The following HOOK1 variants were observed in gnomAD, a reference collection of about 807,000 sequenced individuals.
The protein encoded by HOOK1 is protein Hook homolog 1.
Under a neutral mutation model 112.8 loss-of-function variants are expected in HOOK1, and 60 were observed. That is an observed-to-expected ratio of 0.53 (90% CI 0.43 to 0.66). The LOEUF (loss-of-function observed/expected upper bound fraction) is 0.66, where lower values mean the gene tolerates loss of function less well. Ranked by LOEUF, HOOK1 falls within the 30% of genes least tolerant of loss-of-function variation. The probability of loss-of-function intolerance (pLI) is 0.00; values close to 1 mark genes in which losing one functional copy is unlikely to be tolerated. For synonymous variants in HOOK1, 294 were observed against 283.8 expected (o/e 1.04, Z -0.36); for missense variants, 770 against 856.0 (o/e 0.90, Z 1.25).
chr1:59,862,283 A>T (rs939846204), intron 15 of HOOK1, among the ~76,000 whole-genome samples: 3 of 152,202 alleles, frequency 2.0e-5, no homozygotes, highest in Non-Finnish European at 1.5e-5. Flanking sequence ...TCTTAAGCAC[A>T]GTTTTAAAGA....
Position 59,832,180 on chromosome 1 carries a change from G to A in HOOK1, c.240G>A (p.Lys80=), listed in dbSNP as rs1467952030. Residue 80 remains lysine (K), a synonymous_variant, in exon 4 of 22, where the codon AAG becomes AAA. Transcript: ENST00000371208. ...CACATTAGGCCAGTAATGTAAAGAA[G>A]GTCCTTCAAGGAATTATGAGTTATT... ...NWRIKASNVK[K]VLQGIMSYYH... is the part of the protein sequence containing the mutation. 5 of 1,553,350 alleles carry A rather than the reference G, an allele frequency of 3.2e-6. No individual in the cohort carries two copies. The highest frequency in any genetic ancestry group is 4.4e-6 in the Non-Finnish European group (5 of 1,142,018).
At chr1:59,869,143 T>C (rs976737913) in intron 20 of HOOK1, among the ~76,000 whole-genome samples, 2 of 152,190 alleles carry the variant, frequency 1.3e-5, no homozygotes, top group Non-Finnish European at 2.9e-5. Flanking sequence ...CAGAGCCATA[T>C]TGAATTCTAC....
At chr1:59,821,247 T>C (rs1207859665) in intron 1 of HOOK1, among the ~76,000 whole-genome samples, 1 of 152,224 alleles carries the variant, frequency 6.6e-6, no homozygotes, top group Non-Finnish European at 1.5e-5. Flanking sequence ...TCCGCTTCTC[T>C]TCAATATATA....
At chr1:59,821,225 A>C (rs1187427856) in intron 1 of HOOK1, among the ~76,000 whole-genome samples, 1 of 152,192 alleles carries the variant, frequency 6.6e-6, no homozygotes, top group Non-Finnish European at 1.5e-5. Context: ...TATTGTAAAA[A>C]GAGGTTATTA....
chr1:59,841,018 G>A (rs2098400768), intron 8 of HOOK1, among the ~76,000 whole-genome samples: 1 of 152,038 alleles, frequency 6.6e-6, no homozygotes, highest in African/African-American at 2.4e-5. Context: ...TAATTATCCT[G>A]TACTTCAGTT....
intron 9 of HOOK1, among the ~76,000 whole-genome samples, chr1:59,846,543 C>G (rs2098403913): frequency 3.4e-5 from 1 of 29,448 alleles, no homozygotes; most frequent in African/African-American, 1.6e-4. Flanking sequence ...TCCTTCCTTC[C>G]TTCCTTCCTT....
At chr1:59,846,245 G>A (rs752696938) in intron 9 of HOOK1, among the ~76,000 whole-genome samples, 6 of 151,320 alleles carry the variant, frequency 4.0e-5, no homozygotes, top group East Asian at 1.9e-4. Flanking sequence ...TTTTTTTATC[G>A]TTATAATGAT....
At chr1:59,856,691 T>C (rs909332030) in intron 12 of HOOK1, among the ~76,000 whole-genome samples, 1 of 152,198 alleles carries the variant, frequency 6.6e-6, no homozygotes, top group Non-Finnish European at 1.5e-5. Context: ...CACTGAAGTC[T>C]CTGCTCAGTT....
intron 16 of HOOK1, 119 bp from the exon 17 acceptor site, chr1:59,864,513 A>T (rs1643922582): frequency 4.7e-6 from 3 of 634,706 alleles, no homozygotes; most frequent in Non-Finnish European, 8.3e-6. Flanking sequence ...TACAAATTTT[A>T]AAAATATTTA....
rs2098380594 is a variant in HOOK1, at chr1:59,815,447, GC to G, written c.63+269del. Reference sequence around the variant, plus strand: ...TGGTCTCAACCAGAGGATTCGACCTGCCTGGTGCCCTAACAGCTGGGATATG... The same window carrying G: ...TGGTCTCAACCAGAGGATTCGACCTGCTGGTGCCCTAACAGCTGGGATATG... On this transcript the variant is annotated intron_variant, in intron 1 of 21. Transcript: ENST00000371208. 7 of 521,788 alleles carry G rather than the reference GC, an allele frequency of 1.3e-5. No homozygotes were observed. The East Asian group carries it at 2.5e-4, about 19-fold the overall frequency. The allele number at this position is 521,788 out of a possible 1,614,324, so 32.3% of individuals were successfully genotyped here.
intron 15 of HOOK1, 43 bp downstream of exon 15, chr1:59,860,371 A>G (rs772811456): frequency 2.9e-5 from 43 of 1,470,350 alleles, no homozygotes; most frequent in Admixed American, 2.8e-4. Flanking sequence ...TGATTTTATT[A>G]CCGAGCCATA....
intron 2 of HOOK1, among the ~76,000 whole-genome samples, chr1:59,822,995 C>G (rs1478210704): frequency 6.6e-6 from 1 of 152,088 alleles, no homozygotes; most frequent in Non-Finnish European, 1.5e-5. Context: ...TAAAACATAC[C>G]TTACTCCCAT....
At chr1:59,869,226 C>T (rs1644015999) in intron 20 of HOOK1, among the ~76,000 whole-genome samples, 1 of 150,886 alleles carries the variant, frequency 6.6e-6, no homozygotes, top group African/African-American at 2.4e-5. Context: ...GAGTCTTGCT[C>T]TGTCGCCCAG....
intron 5 of HOOK1, among the ~76,000 whole-genome samples, chr1:59,835,060 CTT>C (rs1339093669): frequency 6.6e-6 from 1 of 152,080 alleles, no homozygotes; most frequent in Admixed American, 6.6e-5. Flanking sequence ...AGATACATAA[CTT>C]TTTAAAAGCT....
intron 2 of HOOK1, among the ~76,000 whole-genome samples, chr1:59,823,360 A>G (rs1241447055): frequency 1.3e-5 from 2 of 152,220 alleles, no homozygotes; most frequent in Non-Finnish European, 2.9e-5. Context: ...ATTTATTTAT[A>G]TCTTAATTGA....
intron 1 of HOOK1, among the ~76,000 whole-genome samples, chr1:59,819,232 C>T (rs1044419800): frequency 2.0e-5 from 3 of 148,766 alleles, no homozygotes; most frequent in Non-Finnish European, 4.4e-5. Context: ...TCACTGCAAC[C>T]TCCACCTCCC....
intron 20 of HOOK1, among the ~76,000 whole-genome samples, chr1:59,869,292 A>G (rs1322730219): frequency 6.6e-6 from 1 of 151,996 alleles, no homozygotes; most frequent in African/African-American, 2.4e-5. Context: ...CCCAGGTTCA[A>G]GCAATTCTCT....
At chr1:59,822,894 A>T (rs945304519) in intron 2 of HOOK1, among the ~76,000 whole-genome samples, 1 of 152,254 alleles carries the variant, frequency 6.6e-6, no homozygotes, top group African/African-American at 2.4e-5. Context: ...ATCTCTTGCG[A>T]ATAGACTGAT....
At chr1:59,824,856 A>G (rs1438641339) in intron 2 of HOOK1, among the ~76,000 whole-genome samples, 2 of 152,244 alleles carry the variant, frequency 1.3e-5, no homozygotes, top group East Asian at 1.9e-4. Flanking sequence ...GGAAAAAACT[A>G]TACAACTGTG....
Sources: gnomAD v4.1 joint callset for allele counts (sites outside exome capture counted in the v4.1 genomes callset) on GRCh38, gnomAD v4.1.1 for gene constraint, MANE v1.5 for transcripts, NCBI Gene and HGNC (gene_info 2026-07-23, HGNC 2026-07-21) for gene names.